IGSF9B: variants seen among roughly 807,000 people sequenced by gnomAD.
The protein encoded by IGSF9B is protein turtle homolog B.
IGSF9B carries 48 observed loss-of-function variants against 143.7 expected under a neutral mutation model. The observed-to-expected ratio is 0.33, with a 90% CI of 0.26 to 0.42. The LOEUF is 0.42. Ranked by LOEUF, IGSF9B falls within the 20% of genes least tolerant of loss-of-function variation. The pLI, the probability that IGSF9B is intolerant of heterozygous loss-of-function variation, is 1.00. For synonymous variants in IGSF9B, 903 were observed against 833.1 expected (o/e 1.08, Z -1.44); for missense variants, 1,706 against 1,980.0 (o/e 0.86, Z 2.63).
chr11:133,940,361 ACAC>A (rs1457982698), intron 3 of IGSF9B, among the ~76,000 whole-genome samples: 5 of 140,878 alleles, frequency 3.5e-5, no homozygotes. Context: ...CATCGCACGC[ACAC>A]ACACCTCGCA....
At chr11:133,924,448 C>T (rs1375416213) in intron 15 of IGSF9B, among the ~76,000 whole-genome samples, 3 of 152,210 alleles carry the variant, frequency 2.0e-5, no homozygotes, top group African/African-American at 4.8e-5. Context: ...ATTTGATAAA[C>T]ATGGTTGACC....
chr11:133,918,528 A>G (rs545366335), intron 18 of IGSF9B, among the ~76,000 whole-genome samples: 36 of 152,268 alleles, frequency 2.4e-4, no homozygotes, highest in Admixed American at 7.2e-4. Context: ...CTCCGCGCAC[A>G]GGCGGCGGCT....
At position 133,902,007 on chromosome 11, in the gene IGSF9B, C is replaced by T. The variant is rs975205748; in HGVS notation, c.*7062G>A. Among the ~76,000 whole-genome samples the T allele has an allele frequency of 5.7e-5, 7 of 123,600 alleles. No homozygotes were observed. Among genetic ancestry groups the T allele is most frequent in the African/African-American group, 1.0e-4 (3 of 28,594 alleles). 81.1% of individuals were successfully genotyped at this position (123,600 alleles called of 152,430 possible). On this transcript the variant is annotated 3_prime_UTR_variant, in exon 20 of 20. Coordinates refer to ENST00000533871, the MANE Select transcript of IGSF9B (RefSeq NM_001277285.4). ...ACCAGACACATCACACACACACACA[C>T]ACCAGACATACACACACCATACCAC...
intron 3 of IGSF9B, among the ~76,000 whole-genome samples, chr11:133,939,284 C>T (rs1249347184): frequency 6.7e-6 from 1 of 149,448 alleles, no homozygotes; most frequent in Non-Finnish European, 1.5e-5. Context: ...GCAGCCCATC[C>T]CATCTCAGAT....
At chr11:133,929,053 TGCCAGCACAACAGGA>T (rs1351811142) in intron 12 of IGSF9B, among the ~76,000 whole-genome samples, 2 of 152,190 alleles carry the variant, frequency 1.3e-5, no homozygotes, top group Non-Finnish European at 2.9e-5. Flanking sequence ...ACCTGGTGTT[TGCCAGCACAACAGGA>T]TTACAAGCAA....
intron 1 of IGSF9B, among the ~76,000 whole-genome samples, chr11:133,949,865 G>A (rs1940127320): frequency 6.6e-6 from 1 of 152,196 alleles, no homozygotes; most frequent in South Asian, 2.1e-4. Flanking sequence ...TCAGGAGTGG[G>A]CACAGGGAAA....
chr11:133,944,143 G>T, intron 3 of IGSF9B, 77 bp downstream of exon 3: 1 of 1,464,726 alleles, frequency 6.8e-7, no homozygotes, highest in Non-Finnish European at 9.2e-7. Context: ...GGCTTCCCCT[G>T]GGGCAGGCCC....
In IGSF9B at chr11:133,936,115, C is replaced by T; in HGVS notation, c.759G>A (p.Glu253=). Reference sequence around the variant, plus strand: ...TGTAGGTGAGGTTGCCCGGATACGCCTCTGCCCGGCAGGTGAGCAGAGCAT... The same window carrying T: ...TGTAGGTGAGGTTGCCCGGATACGCTTCTGCCCGGCAGGTGAGCAGAGCAT... The part of the protein sequence containing the change: ...SQDALLTCRA[E]AYPGNLTYTW... Residue 253 remains glutamate, a synonymous_variant, in exon 6 of 20, where the codon GAG becomes GAA. Transcript: ENST00000533871. 1.2e-6 allele frequency: 2 copies of T among 1,613,536 alleles called. No homozygotes were observed. Among genetic ancestry groups the T allele is most frequent in the Non-Finnish European group, 1.7e-6 (2 of 1,179,704 alleles).
At chr11:133,927,248 C>T (rs1939644652) in intron 12 of IGSF9B, among the ~76,000 whole-genome samples, 157 bp from the exon 13 acceptor site, 2 of 152,262 alleles carry the variant, frequency 1.3e-5, no homozygotes. Flanking sequence ...AGTGGATGCC[C>T]TGCCCAGCTT....
intron 1 of IGSF9B, among the ~76,000 whole-genome samples, chr11:133,947,206 G>A (rs898319386): frequency 7.9e-5 from 12 of 152,098 alleles, no homozygotes; most frequent in African/African-American, 1.7e-4. Context: ...CACCCCAAGC[G>A]CCGCAGCACC....
At chr11:133,922,356 C>A in intron 16 of IGSF9B, 134 bp from the exon 17 acceptor site, 1 of 978,450 alleles carries the variant, frequency 1.0e-6, no homozygotes, top group African/African-American at 1.6e-5. Flanking sequence ...ATCTTTGGCC[C>A]CTGCCTTCAT....
rs1290792526 is a variant in IGSF9B at position 133,927,028 on chromosome 11, G to A, written c.1695C>T (p.Ser565=). 1 of 1,568,862 alleles carries A rather than the reference G, an allele frequency of 6.4e-7. No individual in the cohort carries two copies. The highest frequency in any genetic ancestry group is 2.4e-5 in the East Asian group (1 of 42,058). The change falls in exon 13 of 20, where the codon AGC becomes AGT. Residue 565 remains serine (S), a synonymous_variant. Transcript: ENST00000533871. The stretch of plus-strand genomic sequence containing the variant: ...GCTCCAGGGTGTCCACCAGCAGCCA[G>A]CTGGGTCCTGGCGGCACTGGCAAGG... ...WLSLPVPPGP[S]WLLVDTLEPE...
chr11:133,950,667 C>A (rs1940141747), intron 1 of IGSF9B, among the ~76,000 whole-genome samples: 1 of 152,200 alleles, frequency 6.6e-6, no homozygotes, highest in South Asian at 2.1e-4. Flanking sequence ...ACAGGTTTTG[C>A]CAGCCCAGAC....
Position 133,912,050 on chromosome 11 carries a change from T to C in IGSF9B, c.3984-43A>G, listed in dbSNP as rs541424168. 6.4e-5 allele frequency: 96 copies of C among 1,490,556 alleles called. No individual in the cohort carries two copies. In the Middle Eastern group the frequency reaches 9.3e-4, roughly 14 times the overall value. 92.3% of individuals were successfully genotyped at this position (1,490,556 alleles called of 1,614,324 possible). The stretch of plus-strand genomic sequence containing the variant: ...AGAGCCACAATTCAGCTCCCGGATG[T>C]GTGAGGCTTTGGAAGAGGGGCTGGA... On this transcript the variant is annotated intron_variant, in intron 18 of 19. Transcript: ENST00000533871.
At chr11:133,921,705 C>G (rs1005074428) in intron 17 of IGSF9B, among the ~76,000 whole-genome samples, 4 of 152,100 alleles carry the variant, frequency 2.6e-5, no homozygotes, top group Non-Finnish European at 5.9e-5. Context: ...GCCCGGCCCC[C>G]CCCATCATCC....
rs71477460 is a variant in IGSF9B, at chr11:133,944,369, G to A, written c.263-3C>T. On this transcript the variant is annotated splice_polypyrimidine_tract_variant and splice_region_variant and intron_variant, in intron 2 of 19. Transcript: ENST00000533871. The stretch of plus-strand genomic sequence containing the variant: ...CTTATCATGAAGACTGGCCCGGCCT[G>A]GGGGAATAGAGCAGACAAAAGCCCC... 0.028 allele frequency: 44,646 copies of A among 1,612,824 alleles called. 761 individuals are homozygous for A. Among genetic ancestry groups the A allele is most frequent in the Non-Finnish European group, 0.034 (40,207 of 1,179,660 alleles).
chr11:133,912,058 T>C, intron 18 of IGSF9B, 51 bp from the exon 19 acceptor site: 1 of 1,485,918 alleles, frequency 6.7e-7, no homozygotes, highest in Non-Finnish European at 8.9e-7. Flanking sequence ...TGTGTGAGGC[T>C]TTGGAAGAGG....
chr11:133,916,698 G>A (rs1939388726), intron 18 of IGSF9B, among the ~76,000 whole-genome samples: 1 of 152,200 alleles, frequency 6.6e-6, no homozygotes, highest in Non-Finnish European at 1.5e-5. Flanking sequence ...GGAAAGGAGA[G>A]GGTCAATGGA....
Position 133,902,345 on chromosome 11 carries a change from CACAT to C in IGSF9B, c.*6720_*6723del, listed in dbSNP as rs1157933432. Reference sequence around the variant, plus strand: ...CACACCATACCACACACACCCCACACACATACACAACCACACAATAGACACACCA... The same window carrying C: ...CACACCATACCACACACACCCCACACACACAACCACACAATAGACACACCA... On this transcript the variant is annotated 3_prime_UTR_variant, in exon 20 of 20. Transcript: ENST00000533871. Among the ~76,000 whole-genome samples the C allele has an allele frequency of 3.4e-5, 5 of 148,050 alleles. No individual in the cohort carries two copies. In the East Asian group the frequency reaches 6.1e-4, roughly 18 times the overall value.
Sources: gnomAD v4.1 joint callset for allele counts (sites outside exome capture counted in the v4.1 genomes callset) on GRCh38, gnomAD v4.1.1 for gene constraint, MANE v1.5 for transcripts, NCBI Gene and HGNC (gene_info 2026-07-23, HGNC 2026-07-21) for gene names.